Variants in FHIT observed in about 807,000 individuals in gnomAD.
The protein encoded by FHIT is fragile histidine triad diadenosine triphosphatase.
In FHIT, 19 loss-of-function variants were observed where a neutral mutation model predicts 17.9. That is an observed-to-expected ratio of 1.06 (90% CI 0.74 to 1.56). The LOEUF (loss-of-function observed/expected upper bound fraction) is 1.56, where lower values mean the gene tolerates loss of function less well. Ranked by LOEUF, FHIT falls within the 40% of genes most tolerant of loss-of-function variation. FHIT has a pLI of 0.00. For synonymous variants in FHIT, 81 were observed against 69.7 expected (o/e 1.16, Z -0.81); for missense variants, 248 against 189.2 (o/e 1.31, Z -1.82).
intron 5 of FHIT, among the ~76,000 whole-genome samples, chr3:60,480,805 C>T (rs538079355): frequency 1.8e-4 from 27 of 152,356 alleles, no homozygotes; most frequent in East Asian, 1.4e-3. Flanking sequence ...AACTCCCCAA[C>T]GGCTGCTTTC....
chr3:60,616,254 A>G (rs562604774), intron 4 of FHIT, among the ~76,000 whole-genome samples: 8 of 152,176 alleles, frequency 5.3e-5, no homozygotes, highest in Admixed American at 2.6e-4. Flanking sequence ...TTGTTTGTTC[A>G]GTTTAATTTA....
At chr3:60,452,384 C>T (rs931299508) in intron 5 of FHIT, among the ~76,000 whole-genome samples, 1 of 152,174 alleles carries the variant, frequency 6.6e-6, no homozygotes, top group Non-Finnish European at 1.5e-5. Flanking sequence ...ACCAGAGAGG[C>T]TTTACTGTGT....
At chr3:60,984,736 A>G (rs144017605) in intron 3 of FHIT, among the ~76,000 whole-genome samples, 1 of 152,254 alleles carries the variant, frequency 6.6e-6, no homozygotes, top group East Asian at 1.9e-4. Context: ...AGAATTGAAT[A>G]TAGTAGAACA....
chr3:60,082,476 T>A (rs1042549871), intron 5 of FHIT, among the ~76,000 whole-genome samples: 4 of 152,122 alleles, frequency 2.6e-5, no homozygotes, highest in African/African-American at 4.8e-5. Flanking sequence ...TTTCTTTTCT[T>A]TTGAATATAT....
chr3:61,215,472 C>T (rs975490194), intron 1 of FHIT, among the ~76,000 whole-genome samples: 1 of 152,150 alleles, frequency 6.6e-6, no homozygotes, highest in East Asian at 1.9e-4. Context: ...GAACTACAAA[C>T]CACTGCTCAA....
chr3:60,663,825 A>G (rs186938836), intron 4 of FHIT, among the ~76,000 whole-genome samples: 94 of 152,312 alleles, frequency 6.2e-4, no homozygotes, highest in Non-Finnish European at 1.2e-3. Context: ...CTTTGTTAGC[A>G]TGTAAAAATA....
chr3:60,189,494 C>G (rs1335726402), intron 5 of FHIT, among the ~76,000 whole-genome samples: 1 of 152,164 alleles, frequency 6.6e-6, no homozygotes, highest in African/African-American at 2.4e-5. Flanking sequence ...AATGCTACAA[C>G]TCCGCCCTAC....
At chr3:61,021,970 G>GC (rs1423464195) in intron 3 of FHIT, among the ~76,000 whole-genome samples, 5 of 152,050 alleles carry the variant, frequency 3.3e-5, no homozygotes, top group African/African-American at 1.2e-4. Context: ...TCAAAAGCTA[G>GC]CAGAAGACAA....
At chr3:60,158,437 G>C (rs1451613191) in intron 5 of FHIT, among the ~76,000 whole-genome samples, 1 of 151,806 alleles carries the variant, frequency 6.6e-6, no homozygotes, top group Non-Finnish European at 1.5e-5. Context: ...TCAGCCTCCT[G>C]AGTAACTAGG....
At chr3:61,013,205 C>A (rs1333338814) in intron 3 of FHIT, among the ~76,000 whole-genome samples, 1 of 152,114 alleles carries the variant, frequency 6.6e-6, no homozygotes, top group African/African-American at 2.4e-5. Context: ...TGCTTTGTTT[C>A]TCCTGCCTTG....
chr3:60,364,451 C>T (rs1576542769), intron 5 of FHIT, among the ~76,000 whole-genome samples: 1 of 152,356 alleles, frequency 6.6e-6, no homozygotes, highest in East Asian at 1.9e-4. Context: ...ACATGTGAGA[C>T]TGGCAAAATC....
intron 5 of FHIT, among the ~76,000 whole-genome samples, chr3:60,227,972 T>C (rs1196146059): frequency 2.0e-5 from 3 of 152,202 alleles, no homozygotes; most frequent in African/African-American, 7.2e-5. Context: ...GAGCTGGAGA[T>C]AGTTGCAAGA....
At chr3:61,209,493 T>C (rs1355842854) in intron 1 of FHIT, among the ~76,000 whole-genome samples, 3 of 151,230 alleles carry the variant, frequency 2.0e-5, no homozygotes, top group Non-Finnish European at 4.4e-5. Flanking sequence ...TAGTCCCATA[T>C]TTCTTGGAGG....
intron 8 of FHIT, among the ~76,000 whole-genome samples, chr3:59,823,815 T>G (rs571876796): frequency 5.9e-5 from 9 of 152,224 alleles, no homozygotes; most frequent in Non-Finnish European, 1.3e-4. Context: ...TGTCACCACT[T>G]CTATTCAACA....
Position 60,213,189 on chromosome 3 carries a change from C to T in FHIT, c.104-199037G>A, listed in dbSNP as rs529022791. ...CTAGGTATTCCAATGATAGAGAGAA[C>T]ATGAGACAAATCTGGATCAAGGCAC... On this transcript the variant is annotated intron_variant, in intron 5 of 9. Transcript: ENST00000492590. Among the ~76,000 whole-genome samples the T allele has an allele frequency of 3.9e-5, 6 of 152,244 alleles. No individual in the cohort carries two copies. In the East Asian group the frequency reaches 7.7e-4, roughly 20 times the overall value.
intron 5 of FHIT, among the ~76,000 whole-genome samples, chr3:60,102,629 A>G (rs1402611363): frequency 6.6e-6 from 1 of 152,094 alleles, no homozygotes; most frequent in African/African-American, 2.4e-5. Context: ...GAATAAAAAA[A>G]AAAAACCCTT....
chr3:60,490,226 G>T (rs1209212507), intron 5 of FHIT, among the ~76,000 whole-genome samples: 1 of 151,534 alleles, frequency 6.6e-6, no homozygotes, highest in South Asian at 2.1e-4. Flanking sequence ...CCAAGACAAG[G>T]GTGATCATCT....
chr3:59,856,272 AAGTTTAT>A (rs1702152210), intron 8 of FHIT, among the ~76,000 whole-genome samples: 1 of 152,346 alleles, frequency 6.6e-6, no homozygotes, highest in South Asian at 2.1e-4. Context: ...AAATAACAAA[AAGTTTAT>A]ATAGCCCTAT....
intron 5 of FHIT, among the ~76,000 whole-genome samples, chr3:60,507,502 A>G (rs1381819106): frequency 6.6e-6 from 1 of 152,170 alleles, no homozygotes; most frequent in Admixed American, 6.5e-5. Flanking sequence ...TTTTTTTACA[A>G]CAACAACAGC....
Sources: gnomAD v4.1 joint callset for allele counts (sites outside exome capture counted in the v4.1 genomes callset) on GRCh38, gnomAD v4.1.1 for gene constraint, MANE v1.5 for transcripts, NCBI Gene and HGNC (gene_info 2026-07-23, HGNC 2026-07-21) for gene names.